GKAP1: variants seen among roughly 807,000 people sequenced by gnomAD.
The protein encoded by GKAP1 is G kinase-anchoring protein 1.
Under a neutral mutation model 56.7 loss-of-function variants are expected in GKAP1, and 31 were observed. The ratio of observed to expected loss-of-function variants is 0.55; its 90% CI spans 0.41 to 0.74. The LOEUF is 0.74. Ranked by LOEUF, GKAP1 falls within the 30% of genes least tolerant of loss-of-function variation. GKAP1 has a pLI of 0.00. For missense variants in GKAP1, 364 were observed against 402.3 expected (o/e 0.90, Z 0.82); for synonymous variants, 151 against 138.6 (o/e 1.09, Z -0.63).
intron 6 of GKAP1, among the ~76,000 whole-genome samples, chr9:83,781,262 C>T (rs1291076245): frequency 6.6e-6 from 1 of 152,188 alleles, no homozygotes; most frequent in Non-Finnish European, 1.5e-5. Flanking sequence ...ACTTGGGAGA[C>T]TGAGGCATGA....
intron 2 of GKAP1, among the ~76,000 whole-genome samples, chr9:83,810,415 C>T (rs943418789): frequency 1.3e-5 from 2 of 152,182 alleles, no homozygotes; most frequent in African/African-American, 4.8e-5. Flanking sequence ...TGAAAAGAGT[C>T]TGAAGTTTTA....
chr9:83,771,898 C>T (rs1031185998), intron 7 of GKAP1, among the ~76,000 whole-genome samples: 1 of 151,904 alleles, frequency 6.6e-6, no homozygotes, highest in Non-Finnish European at 1.5e-5. Flanking sequence ...AGCCAATGTC[C>T]CTGCTTGTTG....
At chr9:83,795,104 C>G (rs1013170163) in intron 4 of GKAP1, among the ~76,000 whole-genome samples, 1 of 145,464 alleles carries the variant, frequency 6.9e-6, no homozygotes, top group Non-Finnish European at 1.5e-5. Context: ...CACAGTGAGC[C>G]GAGATTGTGC....
chr9:83,790,506 G>T (rs1166541844), intron 4 of GKAP1, among the ~76,000 whole-genome samples: 1 of 152,088 alleles, frequency 6.6e-6, no homozygotes, highest in African/African-American at 2.4e-5. Context: ...AAACTAGGCC[G>T]GCACAGTGGC....
rs1045369723 is a variant in GKAP1 at position 83,817,094 on chromosome 9, A to G, written c.-142T>C. The G allele has an allele frequency of 6.6e-6, 1 of 152,228 alleles. No homozygotes were observed. Among genetic ancestry groups the G allele is most frequent in the Non-Finnish European group, 1.5e-5 (1 of 68,028 alleles). 9.4% of individuals were successfully genotyped at this position (152,228 alleles called of 1,614,324 possible). On this transcript the variant is annotated 5_prime_UTR_variant, in exon 2 of 13. Transcript: ENST00000376371. ...ATAGAGAAAGAAATTGCGCTGGGCG[A>G]AACCTAACTCGGGCAGAGAAGCGGC...
At chr9:83,813,747 C>T (rs1944543914) in intron 2 of GKAP1, among the ~76,000 whole-genome samples, 1 of 152,198 alleles carries the variant, frequency 6.6e-6, no homozygotes, top group South Asian at 2.1e-4. Context: ...ATAAATATAT[C>T]TTCTACTATC....
intron 8 of GKAP1, among the ~76,000 whole-genome samples, chr9:83,762,113 T>C (rs1164421235): frequency 6.6e-6 from 1 of 152,098 alleles, no homozygotes; most frequent in African/African-American, 2.4e-5. Context: ...AGAAGTCAAA[T>C]TATCCTTGTC....
chr9:83,748,380 T>G lies in GKAP1; in HGVS notation c.841-8A>C. ...TACTTCCTTATACTTTGCCTAATAG[T>G]CAAAGAAAAAAGATTTAGTTTTTTT... On this transcript the variant is annotated splice_region_variant and splice_polypyrimidine_tract_variant and intron_variant, in intron 9 of 12. Transcript: ENST00000376371. 1 of 1,493,512 alleles carries G rather than the reference T, an allele frequency of 6.7e-7. No individual in the cohort carries two copies. The highest frequency in any genetic ancestry group is 9.1e-7 in the Non-Finnish European group (1 of 1,096,368). The allele number at this position is 1,493,512 out of a possible 1,614,324, so 92.5% of individuals were successfully genotyped here.
At chr9:83,783,344 A>G (rs1422734742) in intron 6 of GKAP1, among the ~76,000 whole-genome samples, 2 of 152,224 alleles carry the variant, frequency 1.3e-5, no homozygotes, top group Non-Finnish European at 2.9e-5. Context: ...AATGTTGTAT[A>G]GCTGGACTAA....
At chr9:83,812,323 A>G (rs1211245945) in intron 2 of GKAP1, among the ~76,000 whole-genome samples, 2 of 148,240 alleles carry the variant, frequency 1.3e-5, no homozygotes, top group African/African-American at 4.9e-5. Context: ...ATATGTATAT[A>G]TACACACGTA....
intron 3 of GKAP1, among the ~76,000 whole-genome samples, chr9:83,803,381 T>A (rs574895818): frequency 6.6e-6 from 1 of 152,220 alleles, no homozygotes; most frequent in African/African-American, 2.4e-5. Flanking sequence ...GCCTGCCGAG[T>A]GCCTGCGATT....
At chr9:83,783,447 C>T (rs1243377439) in intron 6 of GKAP1, among the ~76,000 whole-genome samples, 2 of 152,136 alleles carry the variant, frequency 1.3e-5, no homozygotes, top group African/African-American at 4.8e-5. Flanking sequence ...TATTAAATTG[C>T]CACACATGAA....
intron 7 of GKAP1, among the ~76,000 whole-genome samples, chr9:83,773,338 G>A (rs1228201109): frequency 2.0e-5 from 3 of 152,154 alleles, no homozygotes; most frequent in African/African-American, 7.2e-5. Flanking sequence ...GAGACAGAAA[G>A]TAGATCAGTG....
At chr9:83,811,036 C>G (rs2131328658) in intron 2 of GKAP1, among the ~76,000 whole-genome samples, 1 of 152,312 alleles carries the variant, frequency 6.6e-6, no homozygotes, top group Admixed American at 6.5e-5. Flanking sequence ...AAAAATACCA[C>G]TTTATATATG....
intron 2 of GKAP1, 47 bp from the exon 3 acceptor site, chr9:83,806,607 A>T: frequency 3.8e-6 from 4 of 1,043,090 alleles, no homozygotes; most frequent in Non-Finnish European, 5.7e-6. Context: ...AAACAGAGTA[A>T]AATCTGTTGT....
At chr9:83,795,989 T>C (rs1349332947) in intron 4 of GKAP1, among the ~76,000 whole-genome samples, 2 of 152,236 alleles carry the variant, frequency 1.3e-5, no homozygotes, top group Non-Finnish European at 2.9e-5. Flanking sequence ...TTTTCTCCTG[T>C]GTATATATTT....
chr9:83,775,874 C>CAAAAAAAAAAAAAAAAAAAAAA (rs55669011), intron 7 of GKAP1, among the ~76,000 whole-genome samples: 1 of 43,716 alleles, frequency 2.3e-5, no homozygotes, highest in Non-Finnish European at 3.9e-5. Context: ...GACTCTGTCT[C>CAAAAAAAAAAAAAAAAAAAAAA]AAAAAAAAAA....
chr9:83,793,960 A>G (rs918813306), intron 4 of GKAP1, among the ~76,000 whole-genome samples: 2 of 152,106 alleles, frequency 1.3e-5, no homozygotes, highest in Middle Eastern at 3.2e-3. Context: ...TGAGACCAGG[A>G]GTTCAAGACC....
intron 8 of GKAP1, among the ~76,000 whole-genome samples, chr9:83,761,033 T>A: frequency 7.0e-6 from 1 of 142,162 alleles, no homozygotes; most frequent in African/African-American, 2.6e-5. Flanking sequence ...TAAATGAAAC[T>A]AAAATGAAGA....
Sources: gnomAD v4.1 joint callset for allele counts (sites outside exome capture counted in the v4.1 genomes callset) on GRCh38, gnomAD v4.1.1 for gene constraint, MANE v1.5 for transcripts, NCBI Gene and HGNC (gene_info 2026-07-23, HGNC 2026-07-21) for gene names.